Variants in MYH7B observed in about 807,000 individuals in gnomAD.
MYH7B encodes myosin heavy chain 7B, also known as myosin-7B.
MYH7B carries 205 observed loss-of-function variants against 234.5 expected under a neutral mutation model. The ratio of observed to expected loss-of-function variants is 0.87; its 90% CI spans 0.78 to 0.98. The LOEUF (loss-of-function observed/expected upper bound fraction) is 0.98. MYH7B is among the 50% of genes least tolerant of loss of function. The pLI is 0.00. For synonymous variants in MYH7B, 1,193 were observed against 1,105.0 expected (o/e 1.08, Z -1.58); for missense variants, 2,652 against 2,633.4 (o/e 1.01, Z -0.15).
rs148147228 is a variant in MYH7B at position 34,957,078 on chromosome 20, A to G, written c.-336-1020A>G. Among the ~76,000 whole-genome samples, 7 of 152,298 alleles carry G rather than the reference A, an allele frequency of 4.6e-5. 1 individual carries two copies. In the East Asian group the frequency reaches 1.2e-3, roughly 25 times the overall value. On this transcript the variant is annotated intron_variant, in intron 1 of 44. Transcript: ENST00000262873. ...TAAAAACAAAACAAACGAGCAGCGA[A>G]GGCATATAATTCTGAGGGTTGCTCG...
exon 13 of MYH7B, chr20:34,985,070 A>G (rs751659053): frequency 6.2e-7 from 1 of 1,614,128 alleles, no homozygotes; most frequent in Non-Finnish European, 8.5e-7. Context: ...CCACAGGGCA[A>G]GTTCATCCGC....
At chr20:34,986,371 T>A (rs573537836) in intron 14 of MYH7B, among the ~76,000 whole-genome samples, 173 bp downstream of exon 14, 13 of 152,242 alleles carry the variant, frequency 8.5e-5, no homozygotes, top group Admixed American at 8.5e-4. Flanking sequence ...AACAGTCCTC[T>A]TAGCTCCAGC....
At chr20:34,986,476 G>A (rs1035113283) in intron 14 of MYH7B, among the ~76,000 whole-genome samples, 13 of 152,208 alleles carry the variant, frequency 8.5e-5, no homozygotes, top group East Asian at 1.9e-4. Context: ...GCACCAAGGC[G>A]GACTGATGAC....
rs377202057 is a variant in MYH7B at position 35,000,598 on chromosome 20, G to A, written c.5087G>A (p.Arg1696Gln). 33 of 1,569,092 alleles carry A rather than the reference G, an allele frequency of 2.1e-5. No individual in the cohort carries two copies. The highest frequency in any genetic ancestry group is 3.7e-4 in the Middle Eastern group (2 of 5,378). The change falls in exon 39 of 45, where the codon CGG becomes CAG. Residue 1696 changes from arginine (R) to glutamine (Q), a missense_variant. Physicochemically the swap from Arg to Gln is conservative, Grantham distance 43 (BLOSUM62 1). Coordinates refer to ENST00000262873, the Ensembl canonical transcript of MYH7B. ...CTGGCTGCGGAGCTGGAGGAGCTGC[G>A]GGCTGCCCTGGAGCAGGGCGAGCGC... is the stretch of plus-strand genomic sequence containing the variant.
chr20:34,988,102 T>G (rs781483060), exon 19 of MYH7B: 1 of 1,613,236 alleles, frequency 6.2e-7, no homozygotes, highest in East Asian at 2.2e-5. Context: ...TTCAACAGCT[T>G]CGAACAGCTG....
Position 34,977,677 on chromosome 20 carries a change from C to T in MYH7B, c.-76C>T, listed in dbSNP as rs6060137. On this transcript the variant is annotated 5_prime_UTR_variant, in exon 4 of 45. Coordinates refer to ENST00000262873, the Ensembl canonical transcript of MYH7B. ...GAGCTTCCTGCCCTCACCGTGGTGC[C>T]GAGGTAGGTGATCAGGGCTGGGGTT... 446,285 of 1,471,412 alleles carry T rather than the reference C, an allele frequency of 0.3. 65,229 individuals carry two copies. Among genetic ancestry groups the T allele is most frequent in the African/African-American group, 0.38 (24,341 of 64,828 alleles). 91.1% of individuals were successfully genotyped at this position (1,471,412 alleles called of 1,614,324 possible).
At chr20:34,975,600 C>A in intron 3 of MYH7B, 101 bp downstream of exon 3, 1 of 658,840 alleles carries the variant, frequency 1.5e-6, no homozygotes, top group South Asian at 1.7e-5. Context: ...AGACTGAAAA[C>A]AATCGAAATG....
In MYH7B at chr20:34,980,674, TCAGATTCCCCG is replaced by T; in HGVS notation, c.441_451del (p.Asp148ProfsTer32). 1 of 1,614,150 alleles carries T rather than the reference TCAGATTCCCCG, an allele frequency of 6.2e-7. No homozygotes were observed. Among genetic ancestry groups the T allele is most frequent in the Non-Finnish European group, 8.5e-7 (1 of 1,180,004 alleles). ...GGCTGCTTACAAGGGAAAGCGCCGC[TCAGATTCCCCG>T]CCCCATATATATGCGGTGGCGGACA... On this transcript the variant is annotated frameshift_variant, in exon 8 of 45. Coordinates refer to ENST00000262873, the Ensembl canonical transcript of MYH7B. LOFTEE classifies it high-confidence loss of function.
intron 2 of MYH7B, among the ~76,000 whole-genome samples, chr20:34,974,685 C>G (rs2147161957): frequency 6.6e-6 from 1 of 152,320 alleles, no homozygotes; most frequent in African/African-American, 2.4e-5. Context: ...TCTGAGCATC[C>G]TTGAACAATG....
rs774876720 is a variant in MYH7B, at chr20:34,988,277, A to C, written c.1587+15A>C. 3.7e-6 allele frequency: 6 copies of C among 1,606,054 alleles called. No individual in the cohort carries two copies. The highest frequency in any genetic ancestry group is 5.1e-6 in the Non-Finnish European group (6 of 1,174,204). On this transcript the variant is annotated intron_variant, in intron 19 of 44. Transcript: ENST00000262873. ...TCATCGAGAAGGTGGGTGCCGCGGC[A>C]AGGTCACTTTGAGGAAGGGAGGGTG...
At chr20:34,963,733 C>G (rs1029714942) in intron 2 of MYH7B, among the ~76,000 whole-genome samples, 1 of 152,070 alleles carries the variant, frequency 6.6e-6, no homozygotes, top group Non-Finnish European at 1.5e-5. Flanking sequence ...GTCTTTGATT[C>G]ATTTTGAGTT....
chr20:34,998,192 C>T (rs1428971486), intron 32 of MYH7B, 103 bp from the exon 33 acceptor site: 2 of 1,375,718 alleles, frequency 1.5e-6, no homozygotes, highest in East Asian at 4.6e-5. Context: ...TTCCTGGGCC[C>T]ACATCTAGCT....
At chr20:34,990,496 G>T (rs780023490) in intron 22 of MYH7B, 186 bp downstream of exon 22, 1 of 894,976 alleles carries the variant, frequency 1.1e-6, no homozygotes, top group Admixed American at 1.7e-5. Flanking sequence ...CCTGGGCAGG[G>T]TTTGTGGGGA....
chr20:34,999,753 C>CAA, intron 37 of MYH7B, 38 bp from the exon 38 acceptor site: 1 of 1,010,366 alleles, frequency 9.9e-7, no homozygotes, highest in Non-Finnish European at 1.3e-6. Context: ...CTGGCCATCC[C>CAA]CCCCCCCCAC....
chr20:34,966,425 A>G (rs549612905), intron 2 of MYH7B, among the ~76,000 whole-genome samples: 68 of 152,352 alleles, frequency 4.5e-4, no homozygotes, highest in Non-Finnish European at 5.9e-5. Context: ...AACATTTTGG[A>G]ATGACAGTTT....
chr20:34,967,839 C>G (rs2081757538), intron 2 of MYH7B, among the ~76,000 whole-genome samples: 1 of 152,202 alleles, frequency 6.6e-6, no homozygotes, highest in South Asian at 2.1e-4. Context: ...AGACCCCAGG[C>G]AGGGCCTCAG....
chr20:34,992,209 C>T lies in MYH7B; in HGVS notation c.2184-893C>T, dbSNP rs2082164691. Among the ~76,000 whole-genome samples, 4 of 152,210 alleles carry T rather than the reference C, an allele frequency of 2.6e-5. No homozygotes were observed. The South Asian group carries it at 8.3e-4, about 32-fold the overall frequency. ...GACCATCCTGGCTAACACGGTGAAA[C>T]CCCATCTCTACTAAAAATATAAAAA... On this transcript the variant is annotated intron_variant, in intron 24 of 44. Coordinates refer to ENST00000262873, the Ensembl canonical transcript of MYH7B.
chr20:34,959,677 C>T (rs1181335318), intron 2 of MYH7B, among the ~76,000 whole-genome samples: 1 of 152,052 alleles, frequency 6.6e-6, no homozygotes, highest in East Asian at 1.9e-4. Context: ...CAGGGTTTCA[C>T]CTTGCTGTCC....
At chr20:34,957,974 T>C (rs1420129238) in intron 1 of MYH7B, among the ~76,000 whole-genome samples, 124 bp from the exon 2 acceptor site, 1 of 152,210 alleles carries the variant, frequency 6.6e-6, no homozygotes, top group East Asian at 1.9e-4. Context: ...GATAAGCAGC[T>C]GTTAACTAGA....
Sources: gnomAD v4.1 joint callset for allele counts (sites outside exome capture counted in the v4.1 genomes callset) on GRCh38, gnomAD v4.1.1 for gene constraint, MANE v1.5 for transcripts, NCBI Gene and HGNC (gene_info 2026-07-23, HGNC 2026-07-21) for gene names.